The following PCDHAC1 variants were observed in gnomAD, a reference collection of about 807,000 sequenced individuals.
The protein encoded by PCDHAC1 is protocadherin alpha-C1.
PCDHAC1 carries 42 observed loss-of-function variants against 60.0 expected under a neutral mutation model. The observed-to-expected ratio is 0.70, with a 90% confidence interval of 0.55 to 0.90. PCDHAC1 has a LOEUF of 0.90. Among genes scored for constraint, PCDHAC1 ranks in the 40% least tolerant of loss-of-function variants. The probability of loss-of-function intolerance (pLI) is 0.00; values close to 1 mark genes in which losing one functional copy is unlikely to be tolerated. For missense variants in PCDHAC1, 1,160 were observed against 1,222.3 expected (o/e 0.95, Z 0.76); for synonymous variants, 468 against 499.3 (o/e 0.94, Z 0.84).
In PCDHAC1 at chr5:140,926,891, G is replaced by A; in HGVS notation, c.-2G>A. On this transcript the variant is annotated 5_prime_UTR_variant, in exon 1 of 4. Coordinates refer to ENST00000253807, the MANE Select transcript of PCDHAC1 (RefSeq NM_018898.5). ...GGTGGAACGTGGACGCCTAGAGGGAGGATGGTGGGCTGTGGGGTGGCAGTT... is the reference window on the plus strand; with the variant it reads ...GGTGGAACGTGGACGCCTAGAGGGAAGATGGTGGGCTGTGGGGTGGCAGTT... 9 of 1,545,914 alleles carry A rather than the reference G, an allele frequency of 5.8e-6. No individual in the cohort carries two copies. Among genetic ancestry groups the A allele is most frequent in the Non-Finnish European group, 7.9e-6 (9 of 1,144,338 alleles).
At chr5:140,990,705 G>A (rs2097408066) in intron 3 of PCDHAC1, among the ~76,000 whole-genome samples, 1 of 152,132 alleles carries the variant, frequency 6.6e-6, no homozygotes, top group Non-Finnish European at 1.5e-5. Flanking sequence ...AGATTTATGG[G>A]GATAAGAGCA....
intron 3 of PCDHAC1, among the ~76,000 whole-genome samples, chr5:141,000,415 A>ATTT (rs1563651650): frequency 1.1e-5 from 1 of 87,398 alleles, no homozygotes; most frequent in South Asian, 4.0e-4. Flanking sequence ...ATATATATAT[A>ATTT]TATATATTTT....
At chr5:141,002,342 C>A (rs1047277199) in intron 3 of PCDHAC1, among the ~76,000 whole-genome samples, 3 of 152,070 alleles carry the variant, frequency 2.0e-5, no homozygotes, top group African/African-American at 4.8e-5. Flanking sequence ...CGCACCCCTT[C>A]CCCCACCTCC....
At chr5:140,988,860 T>C (rs1270376752) in intron 3 of PCDHAC1, 2 of 152,204 alleles carry the variant, frequency 1.3e-5, no homozygotes, top group South Asian at 2.1e-4. Flanking sequence ...TCCAGTCTCA[T>C]GTGCACTCAG....
At chr5:140,962,622 G>A (rs1389569825) in intron 1 of PCDHAC1, among the ~76,000 whole-genome samples, 2 of 152,130 alleles carry the variant, frequency 1.3e-5, no homozygotes, top group African/African-American at 2.4e-5. Context: ...AGGGAGATGT[G>A]AAAAAATTTA....
intron 1 of PCDHAC1, among the ~76,000 whole-genome samples, chr5:140,945,375 C>T (rs1414758644): frequency 1.3e-4 from 20 of 152,006 alleles, no homozygotes; most frequent in African/African-American, 3.9e-4. Context: ...GTCCATATTA[C>T]CCAAAGCAAT....
At chr5:140,978,909 C>G (rs782321430) in intron 1 of PCDHAC1, 40 bp from the exon 2 acceptor site, 2 of 1,613,660 alleles carry the variant, frequency 1.2e-6, no homozygotes, top group South Asian at 2.2e-5. Context: ...AGAACATTGT[C>G]TTGTCATTTT....
Position 141,009,792 on chromosome 5 carries a change from C to T in PCDHAC1, c.2747C>T (p.Pro916Leu). Residue 916 changes from proline (P) to leucine (L), a missense_variant, in exon 4 of 4, where the codon CCT (proline) becomes CTT (leucine). Physicochemically the swap from Pro to Leu is moderately conservative, Grantham distance 98. Transcript: ENST00000253807. ...GCAATCATCTCCATCCGGCAGGAGC[C>T]TACTAACAGCCAAATTGACAAAAGT... ...SPAIISIRQEPTNSQIDKSDF... is the reference protein window; with the variant it reads ...SPAIISIRQELTNSQIDKSDF... 1 of 1,614,068 alleles carries T rather than the reference C, an allele frequency of 6.2e-7. No individual in the cohort carries two copies. The highest frequency in any genetic ancestry group is 8.5e-7 in the Non-Finnish European group (1 of 1,180,026).
chr5:140,931,579 A>G (rs1464146269), intron 1 of PCDHAC1, among the ~76,000 whole-genome samples: 2 of 152,102 alleles, frequency 1.3e-5, no homozygotes, highest in Non-Finnish European at 2.9e-5. Flanking sequence ...CCATTCATTC[A>G]GTTGAACAGT....
intron 1 of PCDHAC1, among the ~76,000 whole-genome samples, chr5:140,956,772 GT>G (rs2095308990): frequency 6.6e-6 from 1 of 152,202 alleles, no homozygotes; most frequent in African/African-American, 2.4e-5. Context: ...AATCTGTCTG[GT>G]CCTGGGCTTT....
At chr5:140,944,290 C>T (rs912018562) in intron 1 of PCDHAC1, among the ~76,000 whole-genome samples, 8 of 152,124 alleles carry the variant, frequency 5.3e-5, no homozygotes, top group African/African-American at 9.7e-5. Flanking sequence ...CGGGCTCAAG[C>T]GATCCTCCTA....
chr5:140,973,923 C>T (rs1157032594), intron 1 of PCDHAC1, among the ~76,000 whole-genome samples: 1 of 152,170 alleles, frequency 6.6e-6, no homozygotes, highest in African/African-American at 2.4e-5. Flanking sequence ...TCACCAAACC[C>T]AGAGGTTTAG....
intron 1 of PCDHAC1, among the ~76,000 whole-genome samples, chr5:140,977,927 T>G (rs1214119079): frequency 6.6e-6 from 1 of 152,180 alleles, no homozygotes; most frequent in Non-Finnish European, 1.5e-5. Context: ...TTCATTCAAC[T>G]ATACCTCAAT....
At chr5:140,955,293 T>A (rs2095165956) in intron 1 of PCDHAC1, among the ~76,000 whole-genome samples, 1 of 152,182 alleles carries the variant, frequency 6.6e-6, no homozygotes, top group Non-Finnish European at 1.5e-5. Flanking sequence ...ATGGTTTGGC[T>A]GTGTCCCCAC....
chr5:140,948,497 C>G (rs1181465701), intron 1 of PCDHAC1, among the ~76,000 whole-genome samples: 2 of 151,510 alleles, frequency 1.3e-5, no homozygotes, highest in Non-Finnish European at 3.0e-5. Context: ...CTTTCATAGA[C>G]TTTCTATTAA....
At chr5:140,939,603 C>T (rs1158258856) in intron 1 of PCDHAC1, among the ~76,000 whole-genome samples, 1 of 152,068 alleles carries the variant, frequency 6.6e-6, no homozygotes, top group Non-Finnish European at 1.5e-5. Flanking sequence ...TGCTCAAAAA[C>T]AGAACAAGGA....
At chr5:140,974,804 A>G (rs2096641388) in intron 1 of PCDHAC1, among the ~76,000 whole-genome samples, 1 of 152,204 alleles carries the variant, frequency 6.6e-6, no homozygotes, top group Non-Finnish European at 1.5e-5. Context: ...TTGATATACT[A>G]GAAGACCAAT....
chr5:140,957,281 T>A (rs1317654133), intron 1 of PCDHAC1, among the ~76,000 whole-genome samples: 3 of 152,178 alleles, frequency 2.0e-5, no homozygotes, highest in Non-Finnish European at 2.9e-5. Flanking sequence ...CCCCCTTACC[T>A]GCAGTTTCAC....
rs34755515 is a variant in PCDHAC1 at position 141,000,421 on chromosome 5, A to ATTT, written c.2582-9185_2582-9183dup. 5.4e-3 allele frequency among the ~76,000 whole-genome samples: 150 copies of ATTT among 27,982 alleles called. 11 individuals are homozygous for ATTT. Among genetic ancestry groups the ATTT allele is most frequent in the Non-Finnish European group, 6.0e-3 (106 of 17,660 alleles). The allele number at this position is 27,982 out of a possible 152,430, so 18.4% of individuals were successfully genotyped here. On this transcript the variant is annotated intron_variant, in intron 3 of 3. Coordinates refer to ENST00000253807, the MANE Select transcript of PCDHAC1 (RefSeq NM_018898.5). ...TATATATATATATATATATATATAT[A>ATTT]TTTTTTTTTTTTTTTTTTTTTTTGA...
Sources: gnomAD v4.1 joint callset for allele counts (sites outside exome capture counted in the v4.1 genomes callset) on GRCh38, gnomAD v4.1.1 for gene constraint, MANE v1.5 for transcripts, NCBI Gene and HGNC (gene_info 2026-07-23, HGNC 2026-07-21) for gene names.